Variants in COA1 observed in about 807,000 individuals in gnomAD.
COA1 encodes cytochrome c oxidase assembly factor 1 homolog.
A neutral mutation model predicts 16.0 loss-of-function variants in COA1; 13 were observed. The ratio of observed to expected loss-of-function variants is 0.81; its 90% CI spans 0.53 to 1.29. The LOEUF is 1.29. Ranked by LOEUF, COA1 falls within the 50% of genes most tolerant of loss-of-function variation. The pLI, the probability that COA1 is intolerant of heterozygous loss-of-function variation, is 0.00. For missense variants in COA1, 179 were observed against 177.0 expected (o/e 1.01, Z -0.06); for synonymous variants, 65 against 65.7 (o/e 0.99, Z 0.05).
intron 1 of COA1, among the ~76,000 whole-genome samples, chr7:43,662,437 T>C (rs755730196): frequency 6.6e-6 from 1 of 152,240 alleles, no homozygotes; most frequent in Non-Finnish European, 1.5e-5. Flanking sequence ...TTCACTACGT[T>C]GGCCAGCTGG....
At chr7:43,619,680 CAG>C in intron 6 of COA1, 1 of 1,614,008 alleles carries the variant, frequency 6.2e-7, no homozygotes, top group Non-Finnish European at 8.5e-7. Context: ...TATTGAAGAA[CAG>C]TGAAGAGCTC....
chr7:43,669,549 G>A lies in COA1; in HGVS notation c.-38-20897C>T, dbSNP rs192826950. Among the ~76,000 whole-genome samples the A allele has an allele frequency of 2.3e-4, 35 of 152,148 alleles. No individual in the cohort carries two copies. The East Asian group carries it at 3.9e-3, about 17-fold the overall frequency. On this transcript the variant is annotated intron_variant, in intron 1 of 5. Coordinates refer to ENST00000223336, the MANE Select transcript of COA1 (RefSeq NM_018224.4). ...AGGGCCAGTTTTTTCCGCGGGCTAC[G>A]TGAGTGACATGCCTGGTCAAACCAA... is the stretch of plus-strand genomic sequence containing the variant.
At chr7:43,718,010 C>T (rs2095429769) in intron 1 of COA1, among the ~76,000 whole-genome samples, 1 of 152,160 alleles carries the variant, frequency 6.6e-6, no homozygotes, top group Admixed American at 6.5e-5. Flanking sequence ...TCCAGTTAAA[C>T]CTCTTTCTTT....
At position 43,645,635 on chromosome 7, in the gene COA1, A is replaced by G. The variant is rs574976928; in HGVS notation, c.116-236T>C. 27 of 429,194 alleles carry G rather than the reference A, an allele frequency of 6.3e-5. 1 individual carries two copies. In the South Asian group the frequency reaches 6.7e-4, roughly 11 times the overall value. 26.6% of individuals were successfully genotyped at this position (429,194 alleles called of 1,614,324 possible). ...GCAGATGACCTTGGGCCTTGACCTCATGCAGACCCTTTCTGCTTCACCTCA... is the reference window on the plus strand; with the variant it reads ...GCAGATGACCTTGGGCCTTGACCTCGTGCAGACCCTTTCTGCTTCACCTCA... On this transcript the variant is annotated intron_variant, in intron 3 of 5. Transcript: ENST00000223336.
At chr7:43,664,103 A>G (rs147274414) in intron 1 of COA1, among the ~76,000 whole-genome samples, 2 of 135,138 alleles carry the variant, frequency 1.5e-5, no homozygotes, top group African/African-American at 6.1e-5. Flanking sequence ...TGTCTTTAGA[A>G]AGAGAGAGAG....
intron 6 of COA1, among the ~76,000 whole-genome samples, chr7:43,610,158 AAC>A (rs2082721444): frequency 6.6e-6 from 1 of 151,450 alleles, no homozygotes; most frequent in South Asian, 2.1e-4. Flanking sequence ...CATCCTGGCT[AAC>A]ACGGTGAAAC....
intron 1 of COA1, among the ~76,000 whole-genome samples, chr7:43,685,293 AT>A (rs2093972351): frequency 1.3e-5 from 2 of 152,182 alleles, no homozygotes; most frequent in African/African-American, 2.4e-5. Flanking sequence ...GGGGTGCCCT[AT>A]AGACATCCTA....
intron 6 of COA1, chr7:43,625,600 C>G (rs1041368462): frequency 2.6e-5 from 4 of 152,500 alleles, no homozygotes; most frequent in African/African-American, 9.7e-5. Context: ...ACTCTATACC[C>G]CTGCCACTTC....
At position 43,691,067 on chromosome 7, in the gene COA1, A is replaced by AC. The variant is rs1268393095; in HGVS notation, c.-39+38361_-39+38362insG. Among the ~76,000 whole-genome samples the AC allele has an allele frequency of 1.8e-3, 246 of 136,556 alleles. 1 individual carries two copies. Among genetic ancestry groups the AC allele is most frequent in the African/African-American group, 6.3e-3 (215 of 34,382 alleles). The allele number at this position is 136,556 out of a possible 152,430, so 89.6% of individuals were successfully genotyped here. A position where few individuals can be genotyped will look rare whatever the true frequency, so the allele number is the denominator to read the frequency against. On this transcript the variant is annotated intron_variant, in intron 1 of 5. Transcript: ENST00000223336. Reference sequence around the variant, plus strand: ...ACCTCATCACTACAAAAAAAAAAAAAAAAAAAAAAACAAAAAGAAAAGAAA... The same window carrying AC: ...ACCTCATCACTACAAAAAAAAAAAAACAAAAAAAAAACAAAAAGAAAAGAAA...
chr7:43,645,669 C>T (rs2089075334), intron 3 of COA1: 1 of 329,606 alleles, frequency 3.0e-6, no homozygotes, highest in African/African-American at 2.1e-5. Context: ...CATTTCTACC[C>T]TCACTCATTG....
At chr7:43,645,653 T>G in intron 3 of COA1, 1 of 373,548 alleles carries the variant, frequency 2.7e-6, no homozygotes, top group Non-Finnish European at 5.0e-6. Flanking sequence ...CCTTTCTGCT[T>G]CACCTCATTT....
At chr7:43,611,382 T>C (rs113073281) in intron 6 of COA1, among the ~76,000 whole-genome samples, 3,326 of 152,316 alleles carry the variant, frequency 0.022, 101 homozygotes, top group African/African-American at 0.074. Flanking sequence ...TTTAATACCA[T>C]GGCTAAAATG....
chr7:43,723,202 T>G (rs1304235710), intron 1 of COA1, among the ~76,000 whole-genome samples: 1 of 152,230 alleles, frequency 6.6e-6, no homozygotes, highest in Non-Finnish European at 1.5e-5. Flanking sequence ...GGCAGCTACA[T>G]GCAATCTTAG....
intron 6 of COA1, among the ~76,000 whole-genome samples, chr7:43,617,068 A>G (rs1191534951): frequency 3.9e-5 from 6 of 152,202 alleles, no homozygotes; most frequent in Admixed American, 3.3e-4. Flanking sequence ...ACCATATACA[A>G]ATTCACTCTT....
chr7:43,640,574 T>G lies in COA1; in HGVS notation c.340A>C (p.Arg114=). 1 of 1,602,776 alleles carries G rather than the reference T, an allele frequency of 6.2e-7. No individual in the cohort carries two copies. Among genetic ancestry groups the G allele is most frequent in the Non-Finnish European group, 8.5e-7 (1 of 1,174,492 alleles). The change falls in exon 5 of 6, where the codon AGG becomes CGG. Residue 114 remains arginine (R), a splice_region_variant and synonymous_variant. Coordinates refer to ENST00000223336, the MANE Select transcript of COA1 (RefSeq NM_018224.4). ...VHSSRGGPFQ[R]WHLDEVFLEL... ...ACTGCCGTCACCTTCCCAGGATACC[T>G]CTGAAAGGGGCCACCTCTGGATGAG...
chr7:43,680,897 G>A (rs1193563603), intron 1 of COA1, among the ~76,000 whole-genome samples: 1 of 152,190 alleles, frequency 6.6e-6, no homozygotes, highest in Non-Finnish European at 1.5e-5. Context: ...TTTAAGCCCA[G>A]GAAGCAGAGG....
chr7:43,679,171 G>GC (rs1278426783), intron 1 of COA1, among the ~76,000 whole-genome samples: 2 of 150,648 alleles, frequency 1.3e-5, no homozygotes, highest in African/African-American at 2.4e-5. Flanking sequence ...GGAGGCTGAG[G>GC]CAGGAGAATC....
At chr7:43,635,023 T>G (rs1192557846), downstream of COA1, among the ~76,000 whole-genome samples, 3 of 152,210 alleles carry the variant, frequency 2.0e-5, no homozygotes, top group East Asian at 5.8e-4. Context: ...AGTGGAGGAA[T>G]AGCGAGAAGT....
At chr7:43,715,376 G>C (rs1228914217) in intron 1 of COA1, among the ~76,000 whole-genome samples, 1 of 151,948 alleles carries the variant, frequency 6.6e-6, no homozygotes, top group Non-Finnish European at 1.5e-5. Context: ...TACTCGGAAG[G>C]CTGAGGCAGG....
Sources: gnomAD v4.1 joint callset for allele counts (sites outside exome capture counted in the v4.1 genomes callset) on GRCh38, gnomAD v4.1.1 for gene constraint, MANE v1.5 for transcripts, NCBI Gene and HGNC (gene_info 2026-07-23, HGNC 2026-07-21) for gene names.